ADCY5: variants seen among roughly 807,000 people sequenced by gnomAD.
ADCY5 encodes adenylate cyclase 5, also known as adenylate cyclase type 5.
A neutral mutation model predicts 119.7 loss-of-function variants in ADCY5; 30 were observed. That is an observed-to-expected ratio of 0.25 (90% CI 0.19 to 0.34). ADCY5 has a LOEUF of 0.34. Ranked by LOEUF, ADCY5 falls within the 10% of genes least tolerant of loss-of-function variation. The pLI is 1.00. For missense variants in ADCY5, 1,324 were observed against 1,775.2 expected (o/e 0.75, Z 4.57); for synonymous variants, 753 against 762.2 (o/e 0.99, Z 0.20).
chr3:123,428,898 T>A (rs1156715128), intron 1 of ADCY5, among the ~76,000 whole-genome samples: 1 of 152,100 alleles, frequency 6.6e-6, no homozygotes, highest in African/African-American at 2.4e-5. Context: ...GCTATTGGAG[T>A]AGTAGTTCAG....
intron 11 of ADCY5, among the ~76,000 whole-genome samples, chr3:123,316,804 TAAG>T (rs2108328578): frequency 6.6e-6 from 1 of 152,296 alleles, no homozygotes; most frequent in African/African-American, 2.4e-5. Context: ...GTATTGGGGT[TAAG>T]GAGGAAAATG....
At chr3:123,396,281 G>A (rs193230325) in intron 1 of ADCY5, among the ~76,000 whole-genome samples, 435 of 146,054 alleles carry the variant, frequency 3.0e-3, no homozygotes, top group Non-Finnish European at 4.0e-3. Flanking sequence ...GAAAGAGAGA[G>A]AGGGAAAGAG....
At chr3:123,402,199 G>A (rs764677709) in intron 1 of ADCY5, among the ~76,000 whole-genome samples, 1 of 152,252 alleles carries the variant, frequency 6.6e-6, no homozygotes, top group Non-Finnish European at 1.5e-5. Context: ...ATGTTAAAGA[G>A]AAGGCAGAAC....
chr3:123,433,101 A>G (rs887855906), intron 1 of ADCY5, among the ~76,000 whole-genome samples: 1 of 152,272 alleles, frequency 6.6e-6, no homozygotes, highest in Non-Finnish European at 1.5e-5. Context: ...GGAAAGACAC[A>G]TAAACAAACC....
chr3:123,398,427 G>A (rs560110662), intron 1 of ADCY5, among the ~76,000 whole-genome samples: 26 of 152,196 alleles, frequency 1.7e-4, no homozygotes, highest in Non-Finnish European at 2.9e-4. Flanking sequence ...GTTCTCTGCC[G>A]TTTTGCAAGG....
chr3:123,286,635 G>C lies in ADCY5; in HGVS notation c.3657+50C>G. The C allele has an allele frequency of 6.5e-7, 1 of 1,540,390 alleles. No individual in the cohort carries two copies. Among genetic ancestry groups the C allele is most frequent in the Non-Finnish European group, 8.7e-7 (1 of 1,148,618 alleles). On this transcript the variant is annotated intron_variant, in intron 20 of 20. Transcript: ENST00000462833. This position sits in a 1 kb window ranked among gnomAD's most constrained non-coding sequence, Gnocchi z 4.2. ...CTGCCCTGAAGACCTCTCGGTGTCAGACACAGGACCTCCCATGGGGTGAGG... is the reference window on the plus strand; with the variant it reads ...CTGCCCTGAAGACCTCTCGGTGTCACACACAGGACCTCCCATGGGGTGAGG...
In ADCY5 at chr3:123,290,164, A is replaced by G. The variant is rs138428329; in HGVS notation, c.3328-210T>C. ...CTCCACACTCACTCACCCACTGGAC[A>G]GTGCCTGTGGGCTACCTGCCCACCC... On this transcript the variant is annotated intron_variant, in intron 18 of 20. Transcript: ENST00000462833. Among the ~76,000 whole-genome samples, 137 of 152,272 alleles carry G rather than the reference A, an allele frequency of 9.0e-4. 1 individual carries two copies. The highest frequency in any genetic ancestry group is 1.4e-3 in the Non-Finnish European group (97 of 68,014).
chr3:123,443,067 C>T (rs182009249), intron 1 of ADCY5, among the ~76,000 whole-genome samples: 1 of 152,258 alleles, frequency 6.6e-6, no homozygotes, highest in Admixed American at 6.5e-5. Context: ...GAAAGTGTGT[C>T]TTCCTCCACT....
rs766054571 is a variant in ADCY5, at chr3:123,318,095, C to T, written c.2279G>A (p.Arg760Gln). The T allele has an allele frequency of 8.1e-6, 13 of 1,613,504 alleles. No homozygotes were observed. The highest frequency in any genetic ancestry group is 2.7e-5 in the African/African-American group (2 of 74,868). Residue 760 changes from arginine to glutamine, a missense_variant, in exon 11 of 21, where the codon CGA becomes CAA. Transcript: ENST00000462833. ...EKKYSKQVDD[R>Q]FGAYVACASL... ...GGCACACGCCACATAGGCACCAAAT[C>T]GGTCGTCTACCTGCTTGGAGTACTG... is the stretch of plus-strand genomic sequence containing the variant.
Position 123,352,200 on chromosome 3 carries a change from C to G in ADCY5, c.1284+232G>C, listed in dbSNP as rs1942859969. 2.0e-5 allele frequency among the ~76,000 whole-genome samples: 3 copies of G among 152,088 alleles called. No homozygotes were observed. Among genetic ancestry groups the G allele is most frequent in the Middle Eastern group, 3.2e-3 (1 of 316 alleles). On this transcript the variant is annotated intron_variant, in intron 2 of 20. Coordinates refer to ENST00000462833, the MANE Select transcript of ADCY5 (RefSeq NM_183357.3). This position sits in a 1 kb window ranked among gnomAD's most constrained non-coding sequence, Gnocchi z 4.8. Reference sequence around the variant, plus strand: ...GCTTGTTTGCAAACCACAGGGACGCCACATGGCTATGGGCACCAGGCCTTG... The same window carrying G: ...GCTTGTTTGCAAACCACAGGGACGCGACATGGCTATGGGCACCAGGCCTTG...
At chr3:123,402,033 TC>T (rs1342451430) in intron 1 of ADCY5, among the ~76,000 whole-genome samples, 1 of 152,070 alleles carries the variant, frequency 6.6e-6, no homozygotes, top group Non-Finnish European at 1.5e-5. Context: ...CACCAGTTCC[TC>T]CAAGACCAGT....
chr3:123,355,618 G>A (rs895598202), intron 1 of ADCY5, among the ~76,000 whole-genome samples: 11 of 149,518 alleles, frequency 7.4e-5, no homozygotes, highest in East Asian at 5.9e-4. Flanking sequence ...CAGAAACCAT[G>A]AAATACTTCA....
In ADCY5 at chr3:123,303,229, G is replaced by T; in HGVS notation, c.2560-10C>A. 1 of 1,610,724 alleles carries T rather than the reference G, an allele frequency of 6.2e-7. No individual in the cohort carries two copies. The highest frequency in any genetic ancestry group is 1.7e-4 in the Middle Eastern group (1 of 6,034). ...TGGAGTTGCACGTGAACTGGGGGGA[G>T]GAAGGAGGGTGATGAGGGGAGGGTA... On this transcript the variant is annotated splice_polypyrimidine_tract_variant and intron_variant, in intron 13 of 20. Transcript: ENST00000462833.
At chr3:123,336,942 G>A (rs1942056580) in intron 3 of ADCY5, among the ~76,000 whole-genome samples, 1 of 152,214 alleles carries the variant, frequency 6.6e-6, no homozygotes, top group African/African-American at 2.4e-5. Context: ...CAGAGATTCT[G>A]ACTTAATCGT....
chr3:123,286,193 G>C lies in ADCY5; in HGVS notation c.3657+492C>G, dbSNP rs1257803156. On this transcript the variant is annotated intron_variant, in intron 20 of 20. Coordinates refer to ENST00000462833, the MANE Select transcript of ADCY5 (RefSeq NM_183357.3). This position sits in a 1 kb window ranked among gnomAD's most constrained non-coding sequence, Gnocchi z 4.2. ...GCCCAGCTCGCAAAGGAGGGAGCAA[G>C]GGGAAAAGGCCTCTGAGTCTGTGGC... Among the ~76,000 whole-genome samples the C allele has an allele frequency of 6.6e-6, 1 of 152,194 alleles. No individual in the cohort carries two copies. Among genetic ancestry groups the C allele is most frequent in the African/African-American group, 2.4e-5 (1 of 41,436 alleles).
chr3:123,318,134 A>G lies in ADCY5; in HGVS notation c.2257-17T>C. The G allele has an allele frequency of 6.2e-7, 1 of 1,603,736 alleles. No homozygotes were observed. Among genetic ancestry groups the G allele is most frequent in the Non-Finnish European group, 8.5e-7 (1 of 1,172,142 alleles). ...CTTGGAGTACTGAGAGGAGACGGGC[A>G]GGGTGAGAGGGGCCAAGGTACCTGG... On this transcript the variant is annotated splice_polypyrimidine_tract_variant and intron_variant, in intron 10 of 20. Coordinates refer to ENST00000462833, the MANE Select transcript of ADCY5 (RefSeq NM_183357.3).
chr3:123,371,129 C>T (rs1943625652), intron 1 of ADCY5, among the ~76,000 whole-genome samples: 1 of 152,196 alleles, frequency 6.6e-6, no homozygotes, highest in African/African-American at 2.4e-5. Flanking sequence ...AAGGAGTGAG[C>T]TCTGCAGTAT....
Position 123,328,624 on chromosome 3 carries a change from C to CTGTGGGA in ADCY5, c.1805+19_1805+20insTCCCACA, listed in dbSNP as rs756121414. ...GGGAACCCAGGTCGGGGCCCCAAGCCACCCACAGCTGTCACTCACCCTGCC... is the reference window on the plus strand; with the variant it reads ...GGGAACCCAGGTCGGGGCCCCAAGCCTGTGGGAACCCACAGCTGTCACTCACCCTGCC... On this transcript the variant is annotated intron_variant, in intron 6 of 20. Coordinates refer to ENST00000462833, the MANE Select transcript of ADCY5 (RefSeq NM_183357.3). 1 of 1,612,414 alleles carries CTGTGGGA rather than the reference C, an allele frequency of 6.2e-7. No homozygotes were observed. The highest frequency in any genetic ancestry group is 1.7e-5 in the Admixed American group (1 of 59,996).
intron 7 of ADCY5, among the ~76,000 whole-genome samples, chr3:123,327,233 C>A (rs891421533): frequency 6.6e-6 from 1 of 152,080 alleles, no homozygotes; most frequent in Non-Finnish European, 1.5e-5. Context: ...GAGATGGACA[C>A]CGATCTATGG....
Sources: allele counts gnomAD v4.1 joint callset (sites outside exome capture counted in the v4.1 genomes callset), GRCh38; gene constraint gnomAD v4.1.1; non-coding constraint Gnocchi (gnomAD v3.1); transcripts MANE v1.5; gene names NCBI Gene and HGNC (gene_info 2026-07-23, HGNC 2026-07-21).